Variants in PTPRQ observed in about 807,000 individuals in gnomAD.
PTPRQ encodes phosphatidylinositol phosphatase PTPRQ.
A neutral mutation model predicts 246.0 loss-of-function variants in PTPRQ; 199 were observed. The ratio of observed to expected loss-of-function variants is 0.81; its 90% CI spans 0.72 to 0.91. The LOEUF is 0.91. Among genes scored for constraint, PTPRQ ranks in the 40% least tolerant of loss-of-function variants. The pLI, the probability that PTPRQ is intolerant of heterozygous loss-of-function variation, is 0.00. For synonymous variants in PTPRQ, 869 were observed against 853.2 expected (o/e 1.02, Z -0.32); for missense variants, 2,624 against 2,528.4 (o/e 1.04, Z -0.81).
chr12:80,463,957 A>G (rs1893303595), intron 6 of PTPRQ, among the ~76,000 whole-genome samples: 1 of 152,096 alleles, frequency 6.6e-6, no homozygotes, highest in African/African-American at 2.4e-5. Flanking sequence ...AAACTGCATC[A>G]ACTAACGAGC....
At chr12:80,610,658 G>T in intron 28 of PTPRQ, 33 bp downstream of exon 28, 1 of 1,537,104 alleles carries the variant, frequency 6.5e-7, no homozygotes, top group South Asian at 1.2e-5. Context: ...GCTAAAAATT[G>T]ACTGAGATTT....
At chr12:80,501,103 TG>T (rs1296454372) in intron 14 of PTPRQ, among the ~76,000 whole-genome samples, 1 of 151,784 alleles carries the variant, frequency 6.6e-6, no homozygotes, top group African/African-American at 2.4e-5. Context: ...ATTGTGGAGT[TG>T]GGGCAGAGCA....
intron 13 of PTPRQ, 50 bp downstream of exon 13, chr12:80,496,156 T>G: frequency 6.5e-7 from 1 of 1,544,522 alleles, no homozygotes; most frequent in Non-Finnish European, 8.7e-7. Flanking sequence ...TGGTTGTAAA[T>G]GCTCACTGCC....
At chr12:80,493,536 T>C in intron 10 of PTPRQ, 81 bp downstream of exon 10, 1 of 1,421,706 alleles carries the variant, frequency 7.0e-7, no homozygotes, top group Non-Finnish European at 9.2e-7. Context: ...AAGCTTAGAG[T>C]TCAGCCATAT....
At chr12:80,594,670 C>T (rs927331695) in intron 26 of PTPRQ, among the ~76,000 whole-genome samples, 1 of 152,140 alleles carries the variant, frequency 6.6e-6, no homozygotes, top group African/African-American at 2.4e-5. Flanking sequence ...GTTGTTCAAA[C>T]TAGTTATCTA....
intron 8 of PTPRQ, among the ~76,000 whole-genome samples, chr12:80,475,683 A>G (rs1452462265): frequency 2.0e-5 from 3 of 152,016 alleles, no homozygotes; most frequent in East Asian, 1.9e-4. Flanking sequence ...GTTTATAGTC[A>G]TTATTTTTAT....
At chr12:80,592,068 C>T (rs1176522937) in intron 26 of PTPRQ, among the ~76,000 whole-genome samples, 1 of 152,184 alleles carries the variant, frequency 6.6e-6, no homozygotes, top group African/African-American at 2.4e-5. Flanking sequence ...TTCTTTCCAC[C>T]CTATTTCCTC....
intron 25 of PTPRQ, among the ~76,000 whole-genome samples, chr12:80,561,936 G>A (rs967545227): frequency 6.6e-6 from 1 of 152,080 alleles, no homozygotes; most frequent in African/African-American, 2.4e-5. Context: ...ATCGAGTTGA[G>A]GAAATTACCC....
rs1371957806 is a variant in PTPRQ at position 80,541,661 on chromosome 12, T to C, written c.3261T>C (p.Tyr1087=). 13 of 1,551,200 alleles carry C rather than the reference T, an allele frequency of 8.4e-6. No homozygotes were observed. The highest frequency in any genetic ancestry group is 8.3e-5 in the South Asian group (7 of 84,030). ...PAQPNGLVFY[Y]VSLILQQTPR... ...AACCAAACGGTCTAGTCTTCTACTA[T>C]GTTTCACTGATCTTACAGCAGACTC... The change falls in exon 21 of 45, where the codon TAT becomes TAC. Residue 1087 remains tyrosine, a synonymous_variant. Transcript: ENST00000644991.
intron 26 of PTPRQ, among the ~76,000 whole-genome samples, chr12:80,604,636 C>G (rs1460216710): frequency 6.6e-6 from 1 of 151,446 alleles, no homozygotes; most frequent in Admixed American, 6.6e-5. Flanking sequence ...TTTCATTATA[C>G]CAGTTTTAAT....
At chr12:80,611,420 C>G (rs988113123) in intron 28 of PTPRQ, among the ~76,000 whole-genome samples, 1 of 150,142 alleles carries the variant, frequency 6.7e-6, no homozygotes, top group Non-Finnish European at 1.5e-5. Context: ...ATTATATTCT[C>G]TATGCATTTT....
chr12:80,537,976 G>T lies in PTPRQ; in HGVS notation c.2986-1800G>T, dbSNP rs200503108. On this transcript the variant is annotated intron_variant, in intron 19 of 44. Transcript: ENST00000644991. ...TACAAAAAATTAGCCGGGCATGGTG[G>T]CAGGCTCCTGTAGTCCCAGGTACTC... Among the ~76,000 whole-genome samples, 22 of 152,208 alleles carry T rather than the reference G, an allele frequency of 1.4e-4. No individual in the cohort carries two copies. In the East Asian group the frequency reaches 3.9e-3, roughly 27 times the overall value.
At chr12:80,448,323 T>A (rs1294138922) in intron 3 of PTPRQ, among the ~76,000 whole-genome samples, 1 of 152,122 alleles carries the variant, frequency 6.6e-6, no homozygotes, top group African/African-American at 2.4e-5. Flanking sequence ...GATATACAAT[T>A]GTGTCATCAG....
intron 26 of PTPRQ, among the ~76,000 whole-genome samples, chr12:80,595,639 T>C (rs894373862): frequency 6.6e-6 from 1 of 151,874 alleles, no homozygotes; most frequent in Non-Finnish European, 1.5e-5. Context: ...TATGTATACA[T>C]GTGCCATGCT....
intron 25 of PTPRQ, among the ~76,000 whole-genome samples, chr12:80,579,413 C>T (rs767333544): frequency 6.6e-6 from 1 of 152,136 alleles, no homozygotes; most frequent in Non-Finnish European, 1.5e-5. Context: ...TTATGTATCT[C>T]TCCCCGTACT....
In PTPRQ at chr12:80,605,124, T is replaced by C; in HGVS notation, c.4675T>C (p.Trp1559Arg). Residue 1559 changes from tryptophan (W) to arginine (R), a missense_variant, in exon 27 of 45, where the codon TGG becomes CGG. Transcript: ENST00000644991. Reference sequence around the variant, plus strand: ...ATCACCTTTTAGCATCAGCATAAGCTGGAGTGAACCTGCTGTCATTACTGG... The same window carrying C: ...ATCACCTTTTAGCATCAGCATAAGCCGGAGTGAACCTGCTGTCATTACTGG... The part of the protein sequence containing the change: ...ATSPFSISIS[W>R]SEPAVITGPT... 6.5e-7 allele frequency: 1 copy of C among 1,545,810 alleles called. No homozygotes were observed. Among genetic ancestry groups the C allele is most frequent in the Non-Finnish European group, 8.7e-7 (1 of 1,143,388 alleles).
chr12:80,668,393 T>C (rs1184058465), intron 39 of PTPRQ, among the ~76,000 whole-genome samples: 3 of 151,886 alleles, frequency 2.0e-5, no homozygotes, highest in Non-Finnish European at 2.9e-5. Flanking sequence ...CATGTTTTTC[T>C]TGGGTCAGAA....
intron 3 of PTPRQ, among the ~76,000 whole-genome samples, chr12:80,456,843 T>C (rs1248527599): frequency 6.6e-6 from 1 of 152,142 alleles, no homozygotes; most frequent in Non-Finnish European, 1.5e-5. Flanking sequence ...CTCAGCACAA[T>C]CCTATAACAT....
rs1565743285 is a variant in PTPRQ, at chr12:80,493,343, T to C, written c.1428T>C (p.Gly476=). Residue 476 remains glycine (G), a synonymous_variant, in exon 10 of 45, where the codon GGT becomes GGC. Transcript: ENST00000644991. ...IVEPMVGLYE[G]SAEMSSDLHS... The stretch of plus-strand genomic sequence containing the variant: ...AGCCAATGGTAGGATTATATGAGGG[T>C]TCAGCAGAGATGTCGTCTGACCTTC... The C allele has an allele frequency of 2.6e-6, 4 of 1,549,540 alleles. No individual in the cohort carries two copies. The South Asian group carries it at 4.8e-5, about 18-fold the overall frequency.
Sources: gnomAD v4.1 joint callset for allele counts (sites outside exome capture counted in the v4.1 genomes callset) on GRCh38, gnomAD v4.1.1 for gene constraint, MANE v1.5 for transcripts, NCBI Gene and HGNC (gene_info 2026-07-23, HGNC 2026-07-21) for gene names.